Variants in CDYL observed in about 807,000 individuals in gnomAD.
CDYL encodes the protein chromodomain Y like, also known as chromodomain Y-like protein.
Under a neutral mutation model 47.3 loss-of-function variants are expected in CDYL, and 8 were observed. That is an observed-to-expected ratio of 0.17 (90% CI 0.10 to 0.31). The LOEUF (loss-of-function observed/expected upper bound fraction) is 0.31. Among genes scored for constraint, CDYL ranks in the 10% least tolerant of loss-of-function variants. The pLI is 1.00. For synonymous variants in CDYL, 266 were observed against 265.0 expected (o/e 1.00, Z -0.04); for missense variants, 471 against 701.4 (o/e 0.67, Z 3.71).
chr6:4,906,822 T>G (rs1234494421), intron 2 of CDYL, among the ~76,000 whole-genome samples: 1 of 143,130 alleles, frequency 7.0e-6, no homozygotes, highest in African/African-American at 3.0e-5. Context: ...GAGGTTGCCC[T>G]AGTAAAATTT....
chr6:4,904,804 C>T (rs892265347), intron 2 of CDYL, among the ~76,000 whole-genome samples: 2 of 152,150 alleles, frequency 1.3e-5, no homozygotes, highest in African/African-American at 4.8e-5. Context: ...TGGGCCTCAT[C>T]GTACAGCTAC....
intron 2 of CDYL, among the ~76,000 whole-genome samples, chr6:4,721,540 C>T (rs776178319): frequency 8.6e-5 from 13 of 151,970 alleles, no homozygotes; most frequent in African/African-American, 2.4e-4. Flanking sequence ...TGTGCCACCA[C>T]GCTTGGATAA....
chr6:4,730,674 CAAAAAAAAAAAAAAAAAA>C (rs56956798), intron 2 of CDYL, among the ~76,000 whole-genome samples: 1 of 60,452 alleles, frequency 1.7e-5, no homozygotes, highest in Non-Finnish European at 3.6e-5. Flanking sequence ...AATTCCATCT[CAAAAAAAAAAAAAAAAAA>C]AAAAAAAAGA....
At chr6:4,854,504 C>T (rs1358799106) in intron 1 of CDYL, among the ~76,000 whole-genome samples, 2 of 152,312 alleles carry the variant, frequency 1.3e-5, no homozygotes, top group Non-Finnish European at 1.5e-5. Context: ...CACCTGGGAG[C>T]TCTGTGTGTG....
intron 1 of CDYL, among the ~76,000 whole-genome samples, chr6:4,856,495 A>G (rs913311469): frequency 6.6e-6 from 1 of 152,222 alleles, no homozygotes; most frequent in African/African-American, 2.4e-5. Context: ...ACACATGTCC[A>G]TGGGACCTTT....
intron 2 of CDYL, among the ~76,000 whole-genome samples, chr6:4,917,057 T>A (rs1315519668): frequency 6.6e-6 from 1 of 151,662 alleles, no homozygotes; most frequent in South Asian, 2.1e-4. Context: ...CTAGGAAAAC[T>A]GTTGCTTTTC....
intron 1 of CDYL, among the ~76,000 whole-genome samples, chr6:4,852,803 G>GTTTTTTTTTTTTTTT (rs1163412177): frequency 6.8e-6 from 1 of 147,544 alleles, no homozygotes; most frequent in African/African-American, 2.7e-5. Context: ...GGGTTTCTTT[G>GTTTTTTTTTTTTTTT]TTCTTTTTTT....
intron 3 of CDYL, among the ~76,000 whole-genome samples, chr6:4,744,331 A>C (rs952252880): frequency 2.0e-5 from 3 of 152,128 alleles, no homozygotes; most frequent in African/African-American, 7.2e-5. Flanking sequence ...TGTCCCTACA[A>C]AAAATTTTAA....
At position 4,746,481 on chromosome 6, in the gene CDYL, A is replaced by G. The variant is rs1465887487; in HGVS notation, c.186+11637A>G. Among the ~76,000 whole-genome samples, 3 of 152,176 alleles carry G rather than the reference A, an allele frequency of 2.0e-5. No homozygotes were observed. The East Asian group carries it at 5.8e-4, about 29-fold the overall frequency. ...ATGCAGTGATGAAATGGTGAGACCC[A>G]GACCTAGGGCACAACAACAGGAATG... On this transcript the variant is annotated intron_variant, in intron 3 of 8. Transcript: ENST00000328908.
chr6:4,916,609 G>A (rs879809080), intron 2 of CDYL, among the ~76,000 whole-genome samples: 1 of 151,886 alleles, frequency 6.6e-6, no homozygotes, highest in East Asian at 1.9e-4. Context: ...GATGTATCGG[G>A]GGGGGGCGGG....
At chr6:4,715,630 G>A in intron 1 of CDYL, 1 of 1,040,940 alleles carries the variant, frequency 9.6e-7, no homozygotes, top group Non-Finnish European at 1.4e-6. Flanking sequence ...ACAAAATGCT[G>A]GCTCACTCTC....
At chr6:4,927,470 C>T (rs1211655873) in intron 2 of CDYL, among the ~76,000 whole-genome samples, 5 of 97,998 alleles carry the variant, frequency 5.1e-5, no homozygotes, top group East Asian at 5.2e-4. Context: ...TCTTTTGAGA[C>T]GGAGTCTCAC....
At position 4,852,563 on chromosome 6, in the gene CDYL, T is replaced by TCTTC. The variant is rs754081131; in HGVS notation, c.25-39136_25-39133dup. ...TCCTTCCTTCCTTCCTTCCTTCCAA[T>TCTTC]CTTCCTTCCTTCCTTCCAATCTTCC... On this transcript the variant is annotated intron_variant, in intron 1 of 6. Transcript: ENST00000397588. Among the ~76,000 whole-genome samples, 323 of 107,994 alleles carry TCTTC rather than the reference T, an allele frequency of 3.0e-3. 15 individuals are homozygous for TCTTC. Among genetic ancestry groups the TCTTC allele is most frequent in the African/African-American group, 0.013 (301 of 22,828 alleles). The allele number at this position is 107,994 out of a possible 152,430, so 70.8% of individuals were successfully genotyped here.
At chr6:4,882,844 TG>T (rs1761798880) in intron 1 of CDYL, among the ~76,000 whole-genome samples, 1 of 152,148 alleles carries the variant, frequency 6.6e-6, no homozygotes, top group African/African-American at 2.4e-5. Flanking sequence ...CTGCCCCAGA[TG>T]AGGTTTCCAA....
chr6:4,900,797 A>C lies in CDYL; in HGVS notation c.691+8418A>C, dbSNP rs377655199. 7.9e-4 allele frequency among the ~76,000 whole-genome samples: 57 copies of C among 71,848 alleles called. 1 individual carries two copies. The highest frequency in any genetic ancestry group is 3.3e-3 in the African/African-American group (56 of 16,958). The allele number at this position is 71,848 out of a possible 152,430, so 47.1% of individuals were successfully genotyped here. On this transcript the variant is annotated intron_variant, in intron 2 of 6. Transcript: ENST00000397588. ...TACGTGTGTATATATATATATATATATATATATATATATATATATATATAT... is the reference window on the plus strand; with the variant it reads ...TACGTGTGTATATATATATATATATCTATATATATATATATATATATATAT...
At chr6:4,946,262 G>A (rs893853389) in intron 5 of CDYL, among the ~76,000 whole-genome samples, 11 of 152,122 alleles carry the variant, frequency 7.2e-5, no homozygotes, top group Admixed American at 2.0e-4. Context: ...CAACCTGCAC[G>A]CTTCCCATTC....
chr6:4,925,289 A>G lies in CDYL; in HGVS notation c.692-10226A>G, dbSNP rs534074106. ...TGATTGAAGTCCTGATGGTATATCA[A>G]TGTCTTTCTTAGAGATGGCTAAGAA... is the stretch of plus-strand genomic sequence containing the variant. On this transcript the variant is annotated intron_variant, in intron 2 of 6. Coordinates refer to ENST00000397588, the MANE Select transcript of CDYL (RefSeq NM_004824.4). Among the ~76,000 whole-genome samples, 8 of 152,278 alleles carry G rather than the reference A, an allele frequency of 5.3e-5. No individual in the cohort carries two copies. The East Asian group carries it at 1.2e-3, about 22-fold the overall frequency.
chr6:4,723,525 G>A (rs187264672), intron 2 of CDYL, among the ~76,000 whole-genome samples: 2 of 152,136 alleles, frequency 1.3e-5, no homozygotes, highest in African/African-American at 4.8e-5. Flanking sequence ...AAGAGTGGGG[G>A]CTGCCAGCAC....
At chr6:4,824,325 C>CA (rs1286000843) in intron 1 of CDYL, among the ~76,000 whole-genome samples, 1 of 152,134 alleles carries the variant, frequency 6.6e-6, no homozygotes, top group Non-Finnish European at 1.5e-5. Flanking sequence ...GAGGAGCTGT[C>CA]AAACTATTTT....
Sources: allele counts gnomAD v4.1 joint callset (sites outside exome capture counted in the v4.1 genomes callset), GRCh38; gene constraint gnomAD v4.1.1; transcripts MANE v1.5; gene names NCBI Gene and HGNC (gene_info 2026-07-23, HGNC 2026-07-21).